Variants in CLSTN1 observed in about 807,000 individuals in gnomAD.
CLSTN1 encodes calsyntenin 1.
CLSTN1 carries 28 observed loss-of-function variants against 108.3 expected under a neutral mutation model. That is an observed-to-expected ratio of 0.26 (90% CI 0.19 to 0.35). The LOEUF (loss-of-function observed/expected upper bound fraction) is 0.35. Ranked by LOEUF, CLSTN1 falls within the 10% of genes least tolerant of loss-of-function variation. The probability of loss-of-function intolerance (pLI) is 1.00; values close to 1 mark genes in which losing one functional copy is unlikely to be tolerated. For synonymous variants in CLSTN1, 524 were observed against 534.9 expected (o/e 0.98, Z 0.28); for missense variants, 1,157 against 1,302.6 (o/e 0.89, Z 1.72).
At chr1:9,802,070 C>G (rs751187666) in intron 1 of CLSTN1, among the ~76,000 whole-genome samples, 1 of 152,164 alleles carries the variant, frequency 6.6e-6, no homozygotes, top group Non-Finnish European at 1.5e-5. Flanking sequence ...CCCCATTTTA[C>G]AGATGAAGAA....
intron 1 of CLSTN1, among the ~76,000 whole-genome samples, chr1:9,800,512 G>A (rs1211146707): frequency 1.4e-5 from 2 of 141,338 alleles, no homozygotes; most frequent in Non-Finnish European, 1.5e-5. Context: ...GAGGTCAGGA[G>A]ATCAAGACCA....
Position 9,734,035 on chromosome 1 carries a change from T to C in CLSTN1, c.2218A>G (p.Met740Val). 6.2e-7 allele frequency: 1 copy of C among 1,614,184 alleles called. No individual in the cohort carries two copies. The highest frequency in any genetic ancestry group is 2.2e-5 in the East Asian group (1 of 44,870). Residue 740 changes from methionine (M) to valine (V), a missense_variant, in exon 15 of 19, where the codon ATG becomes GTG. Coordinates refer to ENST00000377298, the MANE Select transcript of CLSTN1 (RefSeq NM_001009566.3). This position sits in a 1 kb window ranked among gnomAD's most constrained non-coding sequence, Gnocchi z 4.8. ...NHEQESLEVD[M>V]ARLQQKGIEV... is the part of the protein sequence containing the mutation. ...ATGCCCTTCTGCTGCAGGCGGGCCA[T>C]GTCCACCTCCAGGCTCTCCTGCTCG...
chr1:9,775,329 AC>A (rs1203409928), intron 1 of CLSTN1, among the ~76,000 whole-genome samples: 1 of 147,942 alleles, frequency 6.8e-6, no homozygotes, highest in Non-Finnish European at 1.5e-5. Flanking sequence ...AACCAGGGAC[AC>A]CCCCACCCTC....
intron 1 of CLSTN1, among the ~76,000 whole-genome samples, chr1:9,806,376 T>C (rs1333381150): frequency 6.6e-6 from 1 of 152,320 alleles, no homozygotes; most frequent in South Asian, 2.1e-4. Context: ...ACAGGGGTCC[T>C]GAGACCAAAC....
rs1186800067 is a variant in CLSTN1 at position 9,731,751 on chromosome 1, C to T, written c.2563+10G>A. The T allele has an allele frequency of 6.2e-7, 1 of 1,614,068 alleles. No homozygotes were observed. Among genetic ancestry groups the T allele is most frequent in the Non-Finnish European group, 8.5e-7 (1 of 1,180,044 alleles). On this transcript the variant is annotated intron_variant, in intron 17 of 18. Coordinates refer to ENST00000377298, the MANE Select transcript of CLSTN1 (RefSeq NM_001009566.3). The stretch of plus-strand genomic sequence containing the variant: ...AGCATCTCCGCTTGGTCTCCCTCCC[C>T]ATGTCCTACCTGCGAACGGGTGGGG...
chr1:9,729,949 T>C lies in CLSTN1; in HGVS notation c.*559A>G, dbSNP rs1650256522. 1 of 156,116 alleles carries C rather than the reference T, an allele frequency of 6.4e-6. No homozygotes were observed. Among genetic ancestry groups the C allele is most frequent in the Admixed American group, 6.1e-5 (1 of 16,284 alleles). 9.7% of individuals were successfully genotyped at this position (156,116 alleles called of 1,614,324 possible). On this transcript the variant is annotated 3_prime_UTR_variant, in exon 19 of 19. Coordinates refer to ENST00000377298, the MANE Select transcript of CLSTN1 (RefSeq NM_001009566.3). ...CGTGCTCAGAGCTCCGAACTTCACT[T>C]TACATTCCAGTCCCGGGTTACACTA...
At chr1:9,777,730 T>TA (rs1195039967) in intron 1 of CLSTN1, among the ~76,000 whole-genome samples, 1 of 152,192 alleles carries the variant, frequency 6.6e-6, no homozygotes, top group Admixed American at 6.6e-5. Context: ...TTCTCGTCTC[T>TA]ACCCCCGCTC....
At chr1:9,736,184 T>G (rs1650682168) in intron 11 of CLSTN1, 142 bp from the exon 12 acceptor site, 2 of 941,780 alleles carry the variant, frequency 2.1e-6, no homozygotes, top group East Asian at 2.5e-5. Flanking sequence ...CTGTTAGCCT[T>G]GCAATCTACA....
chr1:9,764,257 A>C (rs1345380870), intron 2 of CLSTN1, among the ~76,000 whole-genome samples: 2 of 151,610 alleles, frequency 1.3e-5, no homozygotes, highest in African/African-American at 2.4e-5. Context: ...TCACCCCCAT[A>C]GCCAGGGACA....
At position 9,744,119 on chromosome 1, in the gene CLSTN1, C is replaced by A. The variant is rs1009370917; in HGVS notation, c.1235-114G>T. On this transcript the variant is annotated intron_variant, in intron 8 of 18. Coordinates refer to ENST00000377298, the MANE Select transcript of CLSTN1 (RefSeq NM_001009566.3). ...ATTTCATCTGCATAAATGAACTCTT[C>A]GGCTAAGCCAAGGCAGGGCTTAGAA... 2.1e-6 allele frequency: 3 copies of A among 1,421,534 alleles called. No homozygotes were observed. In the South Asian group the frequency reaches 3.9e-5, roughly 19 times the overall value. The allele number at this position is 1,421,534 out of a possible 1,614,324, so 88.1% of individuals were successfully genotyped here.
intron 2 of CLSTN1, among the ~76,000 whole-genome samples, chr1:9,761,870 A>T (rs569461796): frequency 1.3e-5 from 2 of 152,354 alleles, no homozygotes; most frequent in African/African-American, 4.8e-5. Context: ...TAGCAAAAGG[A>T]AACTGATTGG....
chr1:9,796,910 G>A (rs1009759074), intron 1 of CLSTN1, among the ~76,000 whole-genome samples: 4 of 152,162 alleles, frequency 2.6e-5, no homozygotes, highest in African/African-American at 4.8e-5. Flanking sequence ...ACTGCTTGAC[G>A]GAGCAGAGTG....
rs976838502 is a variant in CLSTN1, at chr1:9,754,613, T to C, written c.440+501A>G. On this transcript the variant is annotated intron_variant, in intron 4 of 18. Coordinates refer to ENST00000377298, the MANE Select transcript of CLSTN1 (RefSeq NM_001009566.3). The stretch of plus-strand genomic sequence containing the variant: ...GCTCACGCCTATAATCCCAGCACTT[T>C]AGGAGGCCCAGGCAGGCGGATCACC... Among the ~76,000 whole-genome samples, 4 of 151,816 alleles carry C rather than the reference T, an allele frequency of 2.6e-5. No individual in the cohort carries two copies. In the South Asian group the frequency reaches 8.3e-4, roughly 32 times the overall value.
intron 10 of CLSTN1, among the ~76,000 whole-genome samples, chr1:9,740,049 C>T (rs1010251186): frequency 1.3e-5 from 2 of 151,944 alleles, no homozygotes; most frequent in African/African-American, 4.8e-5. Flanking sequence ...ATCTCCTGAC[C>T]TCATGATCCA....
intron 1 of CLSTN1, among the ~76,000 whole-genome samples, chr1:9,788,867 C>CAAAAAAA (rs56093052): frequency 1.3e-5 from 1 of 76,276 alleles, no homozygotes; most frequent in Non-Finnish European, 2.5e-5. Flanking sequence ...GACTCCGTCT[C>CAAAAAAA]AAAAAAAAAA....
Position 9,776,723 on chromosome 1 carries a change from C to T in CLSTN1, c.92-3329G>A, listed in dbSNP as rs1000275024. ...TGTACACCAAAAAGTTACTGAGGGA[C>T]CCAAATAGCTTTTGTTTAAATGGAT... On this transcript the variant is annotated intron_variant, in intron 1 of 18. Coordinates refer to ENST00000377298, the MANE Select transcript of CLSTN1 (RefSeq NM_001009566.3). 2.0e-5 allele frequency among the ~76,000 whole-genome samples: 3 copies of T among 152,068 alleles called. No individual in the cohort carries two copies. The East Asian group carries it at 5.8e-4, about 29-fold the overall frequency.
At chr1:9,796,453 G>A (rs1022737649) in intron 1 of CLSTN1, among the ~76,000 whole-genome samples, 2 of 149,946 alleles carry the variant, frequency 1.3e-5, no homozygotes, top group Admixed American at 6.8e-5. Context: ...GAAGCGGGTG[G>A]ATCACGAGGT....
chr1:9,752,107 G>C (rs1028849673), intron 4 of CLSTN1, among the ~76,000 whole-genome samples: 1 of 151,958 alleles, frequency 6.6e-6, no homozygotes, highest in Admixed American at 6.6e-5. Context: ...GGGAAGAAGG[G>C]GTATGAAACA....
intron 1 of CLSTN1, among the ~76,000 whole-genome samples, chr1:9,773,868 G>GACT (rs1652807152): frequency 6.6e-6 from 1 of 151,962 alleles, no homozygotes; most frequent in Non-Finnish European, 1.5e-5. Flanking sequence ...AGGTAGCTGG[G>GACT]ACTATGTGTG....
Sources: allele counts gnomAD v4.1 joint callset (sites outside exome capture counted in the v4.1 genomes callset), GRCh38; gene constraint gnomAD v4.1.1; non-coding constraint Gnocchi (gnomAD v3.1); transcripts MANE v1.5; gene names NCBI Gene and HGNC (gene_info 2026-07-23, HGNC 2026-07-21).